Variants in CCM2 observed in about 807,000 individuals in gnomAD.
CCM2 encodes the protein cerebral cavernous malformations 2 protein.
In CCM2, 25 loss-of-function variants were observed where a neutral mutation model predicts 44.9. The ratio of observed to expected loss-of-function variants is 0.56; its 90% confidence interval spans 0.41 to 0.78. The LOEUF is 0.78. Among genes scored for constraint, CCM2 ranks in the 30% least tolerant of loss-of-function variants. CCM2 has a pLI of 0.00. For synonymous variants in CCM2, 219 were observed against 241.1 expected (o/e 0.91, Z 0.85); for missense variants, 481 against 580.6 (o/e 0.83, Z 1.76).
chr7:45,004,921 G>A (rs554470446), intron 1 of CCM2, among the ~76,000 whole-genome samples: 3 of 151,720 alleles, frequency 2.0e-5, no homozygotes, highest in Non-Finnish European at 4.4e-5. Flanking sequence ...GCTTGAACTC[G>A]GGAGATGGAG....
intron 9 of CCM2, 69 bp from the exon 10 acceptor site, chr7:45,075,708 G>A (rs1784201471): frequency 1.2e-6 from 2 of 1,603,666 alleles, no homozygotes; most frequent in South Asian, 2.2e-5. Context: ...GGGGCTTTGA[G>A]CCCTGAGAGA....
intron 7 of CCM2, chr7:45,073,003 C>T (rs1240221649): frequency 3.1e-6 from 2 of 647,110 alleles, no homozygotes; most frequent in African/African-American, 3.6e-5. Flanking sequence ...CTCTCCCTGC[C>T]TACCTTCCCA....
upstream of CCM2, chr7:44,999,900 C>G (rs991679613): frequency 3.0e-6 from 1 of 329,586 alleles, no homozygotes; most frequent in East Asian, 1.1e-4. Context: ...GGGGTAGGAG[C>G]GTTTCCGGCT....
At chr7:45,021,755 GGA>G (rs912132242) in intron 1 of CCM2, among the ~76,000 whole-genome samples, 1 of 151,750 alleles carries the variant, frequency 6.6e-6, no homozygotes, top group Non-Finnish European at 1.5e-5. Flanking sequence ...GAGGAGGGGA[GGA>G]GAGGGGAAGG....
At chr7:45,053,862 A>G (rs1386590539) in intron 2 of CCM2, among the ~76,000 whole-genome samples, 1 of 152,060 alleles carries the variant, frequency 6.6e-6, no homozygotes, top group African/African-American at 2.4e-5. Flanking sequence ...TAGTATGTCT[A>G]CTTCCCTGAG....
chr7:45,006,538 G>A (rs34980161), intron 1 of CCM2, among the ~76,000 whole-genome samples: 4,830 of 152,112 alleles, frequency 0.032, 113 homozygotes, highest in South Asian at 0.14. Context: ...TAGAGATGGG[G>A]TTTCACCGTA....
chr7:45,044,507 A>T (rs956070384), intron 2 of CCM2, among the ~76,000 whole-genome samples: 1 of 152,140 alleles, frequency 6.6e-6, no homozygotes, highest in African/African-American at 2.4e-5. Flanking sequence ...CTCCAGGATG[A>T]GATTCAAAGG....
In CCM2 at chr7:45,076,103, T is replaced by C; in HGVS notation, c.*46T>C. The C allele has an allele frequency of 1.2e-6, 2 of 1,610,440 alleles. No individual in the cohort carries two copies. Among genetic ancestry groups the C allele is most frequent in the Non-Finnish European group, 1.7e-6 (2 of 1,179,608 alleles). ...ACCCACACCTTCCGCGCAGTCGTCA[T>C]AGGCCTTCCCAGAAGGAGCTGCCCA... On this transcript the variant is annotated 3_prime_UTR_variant, in exon 10 of 10. Transcript: ENST00000258781.
At chr7:45,019,995 T>C (rs990711842) in intron 1 of CCM2, among the ~76,000 whole-genome samples, 2 of 152,210 alleles carry the variant, frequency 1.3e-5, no homozygotes, top group African/African-American at 4.8e-5. Context: ...ACTCAGACTT[T>C]GGGTTCCTTT....
intron 1 of CCM2, chr7:45,027,252 C>T (rs1174460788): frequency 7.0e-6 from 2 of 287,724 alleles, no homozygotes; most frequent in Non-Finnish European, 1.4e-5. Context: ...CGCGTGTTTC[C>T]ACCCTTCGTA....
chr7:45,021,102 T>C (rs1045362208), intron 1 of CCM2, among the ~76,000 whole-genome samples: 11 of 151,990 alleles, frequency 7.2e-5, no homozygotes, highest in Non-Finnish European at 1.5e-5. Flanking sequence ...TTTAAAGCTG[T>C]TGCACCAAAG....
intron 1 of CCM2, among the ~76,000 whole-genome samples, chr7:45,005,910 G>A (rs1051327158): frequency 2.6e-5 from 4 of 152,218 alleles, no homozygotes; most frequent in Non-Finnish European, 5.9e-5. Flanking sequence ...CTTGGGCTGG[G>A]AAGTTGGGTG....
intron 2 of CCM2, among the ~76,000 whole-genome samples, chr7:45,043,948 C>T (rs1487279428): frequency 6.6e-6 from 1 of 152,174 alleles, no homozygotes; most frequent in African/African-American, 2.4e-5. Flanking sequence ...TGCCCTCCTA[C>T]ATGCCCTTGA....
At chr7:45,052,178 A>G (rs1583937796) in intron 2 of CCM2, among the ~76,000 whole-genome samples, 1 of 152,314 alleles carries the variant, frequency 6.6e-6, no homozygotes, top group East Asian at 1.9e-4. Flanking sequence ...CCTTATGTGG[A>G]GGACATGCTA....
At chr7:45,023,832 CAG>C (rs1310649659) in intron 1 of CCM2, among the ~76,000 whole-genome samples, 62 of 83,346 alleles carry the variant, frequency 7.4e-4, no homozygotes, top group African/African-American at 2.6e-3. Context: ...TTTTATGAGA[CAG>C]AGTTTTGCTC....
At chr7:45,038,573 T>A in intron 2 of CCM2, 147 bp downstream of exon 2, 1 of 848,508 alleles carries the variant, frequency 1.2e-6, no homozygotes, top group Non-Finnish European at 1.9e-6. Flanking sequence ...TCTATGCTGA[T>A]AAATTTAATA....
intron 1 of CCM2, among the ~76,000 whole-genome samples, chr7:45,004,408 C>G (rs1291353299): frequency 2.6e-5 from 4 of 152,184 alleles, no homozygotes; most frequent in African/African-American, 7.2e-5. Context: ...ATTGTTCTGT[C>G]TACTTTTATG....
In CCM2 at chr7:45,015,470, A is replaced by G. The variant is rs116318746; in HGVS notation, c.30+15107A>G. Among the ~76,000 whole-genome samples, 366 of 152,138 alleles carry G rather than the reference A, an allele frequency of 2.4e-3. 1 individual carries two copies. Among genetic ancestry groups the G allele is most frequent in the Middle Eastern group, 6.8e-3 (2 of 294 alleles). ...CCTTCCCCTTCCCCTTCCTGGATTC[A>G]CTGGCCAAAAGCTTGGGTTTGATGA... On this transcript the variant is annotated intron_variant, in intron 1 of 9. Transcript: ENST00000258781.
In CCM2 at chr7:45,075,992, A is replaced by G. The variant is rs767893429; in HGVS notation, c.1270A>G (p.Met424Val). ...CTCAGAGGGGGATGAGTGGGACCGC[A>G]TGATCTCGGACATCAGCAGCGACAT... ...APSEGDEWDR[M>V]ISDISSDIEA... Residue 424 changes from methionine to valine, a missense_variant, in exon 10 of 10, where the codon ATG becomes GTG. By Grantham distance (21) the Met-to-Val change is conservative. Transcript: ENST00000258781. 2 of 1,613,114 alleles carry G rather than the reference A, an allele frequency of 1.2e-6. No homozygotes were observed. The highest frequency in any genetic ancestry group is 2.2e-5 in the East Asian group (1 of 44,882).
Sources: gnomAD v4.1 joint callset for allele counts (sites outside exome capture counted in the v4.1 genomes callset) on GRCh38, gnomAD v4.1.1 for gene constraint, MANE v1.5 for transcripts, NCBI Gene and HGNC (gene_info 2026-07-23, HGNC 2026-07-21) for gene names.